DGKI: variants seen among roughly 807,000 people sequenced by gnomAD.
DGKI encodes the protein diacylglycerol kinase iota.
A neutral mutation model predicts 147.5 loss-of-function variants in DGKI; 55 were observed. That is an observed-to-expected ratio of 0.37 (90% CI 0.30 to 0.47). DGKI has a LOEUF of 0.47. DGKI is among the 20% of genes least tolerant of loss of function. The pLI, the probability that DGKI is intolerant of heterozygous loss-of-function variation, is 1.00. For synonymous variants in DGKI, 469 were observed against 477.1 expected (o/e 0.98, Z 0.22); for missense variants, 1,007 against 1,323.8 (o/e 0.76, Z 3.71).
chr7:137,569,218 G>A (rs1412188460), intron 19 of DGKI, among the ~76,000 whole-genome samples: 1 of 152,070 alleles, frequency 6.6e-6, no homozygotes, highest in East Asian at 1.9e-4. Context: ...GGGAAATACT[G>A]AATATTCCCC....
chr7:137,419,873 T>A (rs1812496976), intron 28 of DGKI, among the ~76,000 whole-genome samples: 1 of 152,374 alleles, frequency 6.6e-6, no homozygotes, highest in Admixed American at 6.5e-5. Context: ...AGAACAGATT[T>A]AAGATTATTC....
chr7:137,472,927 GA>G (rs1440391890), intron 23 of DGKI, among the ~76,000 whole-genome samples: 1 of 151,996 alleles, frequency 6.6e-6, no homozygotes, highest in South Asian at 2.1e-4. Flanking sequence ...AAAATCAATG[GA>G]AAAAATACAG....
At chr7:137,599,391 G>A (rs889598919) in intron 11 of DGKI, among the ~76,000 whole-genome samples, 4 of 151,508 alleles carry the variant, frequency 2.6e-5, no homozygotes, top group Admixed American at 6.6e-5. Flanking sequence ...ACACAAGCGC[G>A]CGCACACACA....
intron 6 of DGKI, among the ~76,000 whole-genome samples, chr7:137,643,548 A>G (rs903494584): frequency 5.9e-5 from 9 of 152,218 alleles, no homozygotes; most frequent in Admixed American, 1.3e-4. Context: ...AAGCTGCATT[A>G]TAAACACAAG....
chr7:137,716,532 G>C (rs1794382100), intron 1 of DGKI, among the ~76,000 whole-genome samples: 2 of 152,166 alleles, frequency 1.3e-5, no homozygotes, highest in Admixed American at 1.3e-4. Context: ...AAACTCAGCA[G>C]GGAGGTAATG....
At chr7:137,575,146 A>C (rs1312970388) in intron 17 of DGKI, among the ~76,000 whole-genome samples, 2 of 152,238 alleles carry the variant, frequency 1.3e-5, no homozygotes, top group African/African-American at 4.8e-5. Flanking sequence ...TGAAAGGTTA[A>C]ATGATTTCCC....
intron 12 of DGKI, among the ~76,000 whole-genome samples, chr7:137,596,833 T>C (rs902987910): frequency 6.6e-6 from 1 of 152,170 alleles, no homozygotes; most frequent in Non-Finnish European, 1.5e-5. Context: ...CTAAGAGAGA[T>C]AGTATTCGAA....
intron 1 of DGKI, among the ~76,000 whole-genome samples, chr7:137,810,571 A>C (rs1797531227): frequency 6.6e-6 from 1 of 152,170 alleles, no homozygotes. Context: ...GTGTTAGTCG[A>C]GATGAAGTAG....
chr7:137,402,069 G>C (rs1811780756), intron 30 of DGKI, among the ~76,000 whole-genome samples: 1 of 152,332 alleles, frequency 6.6e-6, no homozygotes, highest in Non-Finnish European at 1.5e-5. Flanking sequence ...CTGTCAAACG[G>C]AGATGAGAGC....
intron 28 of DGKI, among the ~76,000 whole-genome samples, chr7:137,435,925 A>G (rs567602190): frequency 1.1e-3 from 163 of 152,214 alleles, no homozygotes; most frequent in Non-Finnish European, 2.1e-3. Context: ...GATTACAGGC[A>G]TGCACCATCA....
chr7:137,811,311 C>T (rs1209078419), intron 1 of DGKI, among the ~76,000 whole-genome samples: 1 of 151,284 alleles, frequency 6.6e-6, no homozygotes, highest in Non-Finnish European at 1.5e-5. Flanking sequence ...CAAGAACTAA[C>T]AATACAGATT....
At chr7:137,497,190 A>G (rs146606686) in intron 21 of DGKI, among the ~76,000 whole-genome samples, 1 of 152,296 alleles carries the variant, frequency 6.6e-6, no homozygotes, top group African/African-American at 2.4e-5. Flanking sequence ...CATAGAAAAA[A>G]AAGTTCAACA....
chr7:137,832,680 G>C (rs1798253053), intron 1 of DGKI, among the ~76,000 whole-genome samples: 1 of 152,210 alleles, frequency 6.6e-6, no homozygotes. Context: ...CCATTGTCTT[G>C]GTGATTAACA....
At chr7:137,617,656 C>T (rs1454017167) in intron 8 of DGKI, among the ~76,000 whole-genome samples, 3 of 151,986 alleles carry the variant, frequency 2.0e-5, no homozygotes, top group Admixed American at 6.6e-5. Context: ...GGATATGACT[C>T]CTGACAAGGG....
At chr7:137,477,152 C>T (rs766926202) in intron 23 of DGKI, among the ~76,000 whole-genome samples, 3 of 152,188 alleles carry the variant, frequency 2.0e-5, no homozygotes, top group Non-Finnish European at 4.4e-5. Context: ...TTCAGTCTTG[C>T]TCTCTTCCCA....
intron 21 of DGKI, among the ~76,000 whole-genome samples, chr7:137,512,178 A>G (rs1280364156): frequency 6.6e-6 from 1 of 152,226 alleles, no homozygotes; most frequent in African/African-American, 2.4e-5. Context: ...TATACTAGAA[A>G]GTGCCCTGGA....
chr7:137,706,604 G>A (rs548674700), intron 1 of DGKI, among the ~76,000 whole-genome samples: 66 of 139,060 alleles, frequency 4.7e-4, no homozygotes, highest in Non-Finnish European at 7.5e-4. Flanking sequence ...ACACAGTCTC[G>A]CTGTGTAGCC....
intron 23 of DGKI, among the ~76,000 whole-genome samples, chr7:137,482,524 G>A (rs553214520): frequency 8.6e-5 from 13 of 151,680 alleles, no homozygotes; most frequent in East Asian, 5.8e-4. Context: ...TTTAATATTC[G>A]TATACCCAAC....
intron 1 of DGKI, chr7:137,772,129 A>G (rs1796220382): frequency 1.3e-5 from 2 of 152,192 alleles, no homozygotes; most frequent in Admixed American, 6.5e-5. Flanking sequence ...TGTTGGGAAA[A>G]TTAAGGTAAC....
Sources: gnomAD v4.1 joint callset for allele counts (sites outside exome capture counted in the v4.1 genomes callset) on GRCh38, gnomAD v4.1.1 for gene constraint, MANE v1.5 for transcripts, NCBI Gene and HGNC (gene_info 2026-07-23, HGNC 2026-07-21) for gene names.